The following SPAG1 variants were observed in gnomAD, a reference collection of about 807,000 sequenced individuals.
SPAG1 encodes the protein sperm-associated antigen 1.
SPAG1 carries 69 observed loss-of-function variants against 100.5 expected under a neutral mutation model. That is an observed-to-expected ratio of 0.69 (90% CI 0.57 to 0.84). The LOEUF is 0.84. SPAG1 is among the 40% of genes least tolerant of loss of function. The probability of loss-of-function intolerance (pLI) is 0.00; values close to 1 mark genes in which losing one functional copy is unlikely to be tolerated. For synonymous variants in SPAG1, 336 were observed against 411.6 expected (o/e 0.82, Z 2.22); for missense variants, 955 against 1,133.1 (o/e 0.84, Z 2.26).
chr8:100,211,620 G>T (rs1413052973), intron 10 of SPAG1, among the ~76,000 whole-genome samples: 4 of 152,170 alleles, frequency 2.6e-5, no homozygotes, highest in African/African-American at 4.8e-5. Context: ...TGGCACCATT[G>T]CACTCCACCC....
At chr8:100,231,719 G>A (rs994863893) in intron 15 of SPAG1, among the ~76,000 whole-genome samples, 1 of 152,220 alleles carries the variant, frequency 6.6e-6, no homozygotes, top group East Asian at 1.9e-4. Flanking sequence ...CAGCACTTTG[G>A]GAGGCCGAGG....
chr8:100,161,971 C>T (rs184444938), intron 1 of SPAG1, among the ~76,000 whole-genome samples: 3 of 152,284 alleles, frequency 2.0e-5, no homozygotes, highest in East Asian at 1.9e-4. Flanking sequence ...TCTTCCTCCT[C>T]GGTTCATCTG....
chr8:100,213,759 C>A, intron 11 of SPAG1, 60 bp from the exon 12 acceptor site: 1 of 1,087,572 alleles, frequency 9.2e-7, no homozygotes, highest in Non-Finnish European at 1.4e-6. Context: ...TCTTGTAATT[C>A]TGGTGAACTG....
chr8:100,206,017 C>CAAAAAAAAAAAAAAA (rs574907013), intron 10 of SPAG1, among the ~76,000 whole-genome samples: 4 of 77,350 alleles, frequency 5.2e-5, no homozygotes, highest in Non-Finnish European at 5.1e-5. Flanking sequence ...GACTCTGTCT[C>CAAAAAAAAAAAAAAA]AAAAAAAAAA....
rs916127160 is a variant in SPAG1 at position 100,194,617 on chromosome 8, T to A, written c.1096+349T>A. On this transcript the variant is annotated intron_variant, in intron 10 of 18. Coordinates refer to ENST00000388798, the MANE Select transcript of SPAG1 (RefSeq NM_003114.5). ...ATATATCTACTTGATTGCAAACAAA[T>A]GTGTTGGTTTCAAAACAGGTATGGG... is the stretch of plus-strand genomic sequence containing the variant. The A allele has an allele frequency of 3.1e-5, 13 of 418,754 alleles. No individual in the cohort carries two copies. The Admixed American group carries it at 5.0e-4, about 16-fold the overall frequency. The allele number at this position is 418,754 out of a possible 1,614,324, so 25.9% of individuals were successfully genotyped here.
chr8:100,187,062 T>C (rs1033468213), intron 7 of SPAG1, 58 bp from the exon 8 acceptor site: 13 of 1,537,864 alleles, frequency 8.5e-6, no homozygotes, highest in Non-Finnish European at 1.1e-5. Flanking sequence ...GCTGAATTTC[T>C]CTACATTCTT....
chr8:100,183,397 CT>C lies in SPAG1; in HGVS notation c.450del (p.Lys152ArgfsTer20). 6.9e-7 allele frequency: 1 copy of C among 1,457,490 alleles called. No homozygotes were observed. The highest frequency in any genetic ancestry group is 9.5e-7 in the Non-Finnish European group (1 of 1,048,746). 90.3% of individuals were successfully genotyped at this position (1,457,490 alleles called of 1,614,324 possible). A position where few individuals can be genotyped will look rare whatever the true frequency, so the allele number is the denominator to read the frequency against. Reference sequence around the variant, plus strand: ...TAGGAAAAATATTCTAAAAGACCAACTAAAAAGAAAACTCCAAGGGATTACG... The same window carrying C: ...TAGGAAAAATATTCTAAAAGACCAACAAAAAGAAAACTCCAAGGGATTACG... The part of the protein sequence containing the change: ...VGKEKYSKRP[T>X]KKKTPRDYAE... On this transcript the variant is annotated frameshift_variant, in exon 5 of 19. Transcript: ENST00000388798. LOFTEE classifies it high-confidence loss of function.
intron 14 of SPAG1, among the ~76,000 whole-genome samples, chr8:100,227,041 G>A (rs769041590): frequency 2.6e-5 from 4 of 152,186 alleles, no homozygotes; most frequent in Non-Finnish European, 5.9e-5. Flanking sequence ...AGGAGCATTA[G>A]CTTACACCAT....
At chr8:100,189,408 C>G (rs1372214467) in intron 8 of SPAG1, among the ~76,000 whole-genome samples, 1 of 152,078 alleles carries the variant, frequency 6.6e-6, no homozygotes, top group African/African-American at 2.4e-5. Context: ...ACCCAGGAGG[C>G]AGAGGTTGCA....
intron 1 of SPAG1, among the ~76,000 whole-genome samples, chr8:100,161,133 A>C (rs1344439832): frequency 6.6e-6 from 1 of 152,194 alleles, no homozygotes; most frequent in Non-Finnish European, 1.5e-5. Context: ...TGAGTCCAGG[A>C]GTTCGAGACC....
At position 100,184,875 on chromosome 8, in the gene SPAG1, G is replaced by A; in HGVS notation, c.701+142G>A. ...TGTGATTTATCATATATTCACTTGT[G>A]TTTCTCCTATTTTTTCAATAATTTT... On this transcript the variant is annotated intron_variant, in intron 7 of 18. Coordinates refer to ENST00000388798, the MANE Select transcript of SPAG1 (RefSeq NM_003114.5). 1.4e-5 allele frequency: 8 copies of A among 583,356 alleles called. No individual in the cohort carries two copies. In the South Asian group the frequency reaches 1.8e-4, roughly 13 times the overall value. The allele number at this position is 583,356 out of a possible 1,614,324, so 36.1% of individuals were successfully genotyped here.
At chr8:100,161,712 A>C (rs1815315094) in intron 1 of SPAG1, among the ~76,000 whole-genome samples, 1 of 152,208 alleles carries the variant, frequency 6.6e-6, no homozygotes, top group Non-Finnish European at 1.5e-5. Flanking sequence ...GATAAGGGTA[A>C]TTGCCCCAGC....
chr8:100,188,229 G>T (rs1197811924), intron 8 of SPAG1, among the ~76,000 whole-genome samples: 2 of 151,934 alleles, frequency 1.3e-5, no homozygotes, highest in African/African-American at 4.8e-5. Flanking sequence ...TTGGCTTACT[G>T]CAACCTCCAC....
intron 10 of SPAG1, among the ~76,000 whole-genome samples, chr8:100,206,361 C>T (rs2132328937): frequency 6.6e-6 from 1 of 152,332 alleles, no homozygotes; most frequent in Non-Finnish European, 1.5e-5. Flanking sequence ...ACTGTCCTAC[C>T]TCAGGGGTAT....
chr8:100,231,961 C>CA (rs528009916), intron 15 of SPAG1, among the ~76,000 whole-genome samples: 31,675 of 137,408 alleles, frequency 0.23, 4,106 homozygotes, highest in African/African-American at 0.36. Flanking sequence ...GACTCTGTCT[C>CA]AAAAAAAAAA....
chr8:100,165,957 TTGA>T lies in SPAG1; in HGVS notation c.287_289del (p.Asp96del). The T allele has an allele frequency of 6.2e-7, 1 of 1,613,554 alleles. No homozygotes were observed. The highest frequency in any genetic ancestry group is 8.5e-7 in the Non-Finnish European group (1 of 1,179,792). On this transcript the variant is annotated inframe_deletion, in exon 3 of 19. Transcript: ENST00000388798. ...TTTACAGCTGAAGAATGGGAAAAAATTGATGGTGATATAAAGGTATATAGTAAT... is the reference window on the plus strand; with the variant it reads ...TTTACAGCTGAAGAATGGGAAAAAATTGGTGATATAAAGGTATATAGTAAT...
intron 11 of SPAG1, 61 bp downstream of exon 11, chr8:100,213,489 G>T: frequency 1.6e-6 from 2 of 1,283,392 alleles, no homozygotes; most frequent in South Asian, 1.9e-5. Context: ...CCCGACCTCC[G>T]GGGCCCCCGT....
At chr8:100,167,962 T>G (rs1208951284) in intron 3 of SPAG1, among the ~76,000 whole-genome samples, 1 of 152,216 alleles carries the variant, frequency 6.6e-6, no homozygotes, top group Admixed American at 6.5e-5. Flanking sequence ...GCTTTTGAGA[T>G]TCATCTGTGT....
intron 2 of SPAG1, chr8:100,165,271 T>G (rs546759446): frequency 1.1e-4 from 57 of 524,822 alleles, no homozygotes; most frequent in African/African-American, 9.7e-4. Flanking sequence ...CTGAACCATG[T>G]TTTAGAAAAA....
Sources: allele counts gnomAD v4.1 joint callset (sites outside exome capture counted in the v4.1 genomes callset), GRCh38; gene constraint gnomAD v4.1.1; transcripts MANE v1.5; gene names NCBI Gene and HGNC (gene_info 2026-07-23, HGNC 2026-07-21).